Variants in ELAVL1 observed in about 807,000 individuals in gnomAD.
ELAVL1 encodes ELAV-like protein 1.
In ELAVL1, 1 loss-of-function variant was observed where a neutral mutation model predicts 28.4. The observed-to-expected ratio is 0.04, with a 90% CI of 0.01 to 0.17. ELAVL1 has a LOEUF of 0.17. Ranked by LOEUF, ELAVL1 falls within the 10% of genes least tolerant of loss-of-function variation. The probability of loss-of-function intolerance (pLI) is 1.00; values close to 1 mark genes in which losing one functional copy is unlikely to be tolerated. For missense variants in ELAVL1, 157 were observed against 447.2 expected (o/e 0.35, Z 5.85); for synonymous variants, 174 against 183.5 (o/e 0.95, Z 0.42).
chr19:7,980,449 G>C (rs1042155472), intron 3 of ELAVL1, among the ~76,000 whole-genome samples: 2 of 152,204 alleles, frequency 1.3e-5, no homozygotes, highest in African/African-American at 4.8e-5. Flanking sequence ...GTGCACGAGA[G>C]CGCGGGTCAG....
chr19:7,987,139 A>C (rs1367459245), intron 2 of ELAVL1, among the ~76,000 whole-genome samples: 1 of 45,892 alleles, frequency 2.2e-5, no homozygotes, highest in Non-Finnish European at 4.4e-5. Context: ...GGGTGCAGCA[A>C]GTGGGGAGAG....
At chr19:7,971,411 G>C (rs1394002179) in intron 4 of ELAVL1, among the ~76,000 whole-genome samples, 1 of 152,194 alleles carries the variant, frequency 6.6e-6, no homozygotes, top group Non-Finnish European at 1.5e-5. Flanking sequence ...GTGGACTGTG[G>C]GCCAGTGAGG....
At chr19:7,987,617 C>T in intron 2 of ELAVL1, among the ~76,000 whole-genome samples, 1 of 152,218 alleles carries the variant, frequency 6.6e-6, no homozygotes, top group Non-Finnish European at 1.5e-5. Flanking sequence ...CACCAGTGCC[C>T]AGCCCATGGC....
intron 1 of ELAVL1, among the ~76,000 whole-genome samples, chr19:8,001,004 G>A (rs958354405): frequency 6.6e-6 from 1 of 152,240 alleles, no homozygotes; most frequent in Non-Finnish European, 1.5e-5. Context: ...TCTGGAGCCT[G>A]GCAGGCCCGA....
intron 3 of ELAVL1, among the ~76,000 whole-genome samples, chr19:7,978,883 C>A (rs1325273897): frequency 6.6e-6 from 1 of 152,132 alleles, no homozygotes; most frequent in Non-Finnish European, 1.5e-5. Flanking sequence ...GGCATCAGAC[C>A]AAGATGCAAT....
rs181613328 is a variant in ELAVL1, at chr19:7,993,345, T to C, written c.-16-1514A>G. 4.4e-4 allele frequency among the ~76,000 whole-genome samples: 67 copies of C among 152,184 alleles called. No individual in the cohort carries two copies. In the Middle Eastern group the frequency reaches 0.01, roughly 23 times the overall value. On this transcript the variant is annotated intron_variant, in intron 1 of 5. Coordinates refer to ENST00000407627, the MANE Select transcript of ELAVL1 (RefSeq NM_001419.3). ...CTCCCCATGTCCAGAGCCTGTGGGGTGTACCTGAACCCCACCCCTGGACAC... is the reference window on the plus strand; with the variant it reads ...CTCCCCATGTCCAGAGCCTGTGGGGCGTACCTGAACCCCACCCCTGGACAC...
rs143515198 is a variant in ELAVL1, at chr19:7,991,101, C to G, written c.172+543G>C. The stretch of plus-strand genomic sequence containing the variant: ...CCAGGCTCCTGCCCCTCTGAGAGTT[C>G]AAGCTCAGCATGGTGCAGAAGTTCA... On this transcript the variant is annotated intron_variant, in intron 2 of 5. Transcript: ENST00000407627. Among the ~76,000 whole-genome samples, 280 of 152,344 alleles carry G rather than the reference C, an allele frequency of 1.8e-3. 1 individual carries two copies. The highest frequency in any genetic ancestry group is 6.5e-3 in the African/African-American group (269 of 41,582).
Position 8,002,696 on chromosome 19 carries a change from G to C in ELAVL1, c.-17+2799C>G, listed in dbSNP as rs867558185. ...GGTGGAGGAAGAGTGGCAGTCAGAC[G>C]AGGCTTCAAACGGCCAGTGAGCTCT... On this transcript the variant is annotated intron_variant, in intron 1 of 5. Coordinates refer to ENST00000407627, the MANE Select transcript of ELAVL1 (RefSeq NM_001419.3). Among the ~76,000 whole-genome samples the C allele has an allele frequency of 2.0e-5, 3 of 152,340 alleles. No homozygotes were observed. The South Asian group carries it at 6.2e-4, about 32-fold the overall frequency.
intron 3 of ELAVL1, among the ~76,000 whole-genome samples, chr19:7,974,483 C>T (rs991909750): frequency 6.6e-6 from 1 of 152,218 alleles, no homozygotes; most frequent in African/African-American, 2.4e-5. Flanking sequence ...GTACATTCAT[C>T]ATTCGTGTGG....
At chr19:7,989,853 A>T (rs1695226784) in intron 2 of ELAVL1, among the ~76,000 whole-genome samples, 1 of 152,210 alleles carries the variant, frequency 6.6e-6, no homozygotes, top group African/African-American at 2.4e-5. Context: ...GCATCTGAAG[A>T]GCTAATTCCC....
rs946358983 is a variant in ELAVL1, at chr19:7,981,651, G to A, written c.173-465C>T. On this transcript the variant is annotated intron_variant, in intron 2 of 5. Coordinates refer to ENST00000407627, the MANE Select transcript of ELAVL1 (RefSeq NM_001419.3). The surrounding 1 kb of genome is among the most constrained non-coding windows in gnomAD (Gnocchi z 4.2). The stretch of plus-strand genomic sequence containing the variant: ...CTCCCAAAGTGTTGGGATTACAGAT[G>A]TGAGCCACTGAGCCTGGCCAAGAGG... Among the ~76,000 whole-genome samples, 6 of 152,152 alleles carry A rather than the reference G, an allele frequency of 3.9e-5. No homozygotes were observed. Among genetic ancestry groups the A allele is most frequent in the Non-Finnish European group, 8.8e-5 (6 of 68,036 alleles).
chr19:7,974,243 G>A (rs1005209013), intron 3 of ELAVL1, among the ~76,000 whole-genome samples: 2 of 152,260 alleles, frequency 1.3e-5, no homozygotes, highest in Non-Finnish European at 2.9e-5. Flanking sequence ...AGCAGCCCGT[G>A]CTGCAGCGGG....
rs1403226073 is a variant in ELAVL1, at chr19:7,960,359, C to T, written c.*3124G>A. On this transcript the variant is annotated 3_prime_UTR_variant, in exon 6 of 6. Transcript: ENST00000407627. ...CCAGGAGAAGGTGGCGGAACCCACC[C>T]AGCACCACCTGCGGGCGGGCCCCCG... 2 of 152,340 alleles carry T rather than the reference C, an allele frequency of 1.3e-5. No homozygotes were observed. The highest frequency in any genetic ancestry group is 1.9e-4 in the East Asian group (1 of 5,170). 9.4% of individuals were successfully genotyped at this position (152,340 alleles called of 1,614,324 possible).
intron 3 of ELAVL1, among the ~76,000 whole-genome samples, chr19:7,978,450 G>A (rs1288412705): frequency 6.6e-6 from 1 of 152,148 alleles, no homozygotes; most frequent in Admixed American, 6.5e-5. Context: ...TCATGCATTC[G>A]TAATGAGCCC....
intron 2 of ELAVL1, among the ~76,000 whole-genome samples, chr19:7,984,859 A>G (rs1985558492): frequency 6.6e-6 from 1 of 152,224 alleles, no homozygotes; most frequent in Non-Finnish European, 1.5e-5. Context: ...AAATCTGGAC[A>G]GCTTTCTAAG....
At chr19:7,974,211 C>A (rs192398549) in intron 3 of ELAVL1, among the ~76,000 whole-genome samples, 1,609 of 147,412 alleles carry the variant, frequency 0.011, 13 homozygotes, top group South Asian at 0.03. Context: ...GAGCCGGTGC[C>A]AGAGAGGTCC....
At chr19:7,984,038 G>A (rs1053019802) in intron 2 of ELAVL1, among the ~76,000 whole-genome samples, 6 of 152,078 alleles carry the variant, frequency 3.9e-5, no homozygotes, top group African/African-American at 1.4e-4. Context: ...TGGGCCCTGA[G>A]GACCCACCTT....
At chr19:7,990,186 C>A (rs1444412079) in intron 2 of ELAVL1, among the ~76,000 whole-genome samples, 1 of 152,124 alleles carries the variant, frequency 6.6e-6, no homozygotes, top group Non-Finnish European at 1.5e-5. Context: ...CCACGCCTGG[C>A]TAATTTTTGA....
chr19:7,995,224 G>A (rs1985846558), intron 1 of ELAVL1, among the ~76,000 whole-genome samples: 1 of 152,204 alleles, frequency 6.6e-6, no homozygotes, highest in Non-Finnish European at 1.5e-5. Context: ...GACCACAAGG[G>A]TTAACACTGA....
Sources: gnomAD v4.1 joint callset for allele counts (sites outside exome capture counted in the v4.1 genomes callset) on GRCh38, gnomAD v4.1.1 for gene constraint, Gnocchi (gnomAD v3.1) non-coding constraint, MANE v1.5 for transcripts, NCBI Gene and HGNC (gene_info 2026-07-23, HGNC 2026-07-21) for gene names.